SIK3: variants seen among roughly 807,000 people sequenced by gnomAD.
SIK3 encodes the protein SIK family kinase 3.
Under a neutral mutation model 144.2 loss-of-function variants are expected in SIK3, and 28 were observed. That is an observed-to-expected ratio of 0.19 (90% confidence interval 0.14 to 0.27). The LOEUF is 0.27. Among genes scored for constraint, SIK3 ranks in the 10% least tolerant of loss-of-function variants. The pLI is 1.00. For missense variants in SIK3, 1,319 were observed against 1,776.0 expected (o/e 0.74, Z 4.62); for synonymous variants, 686 against 676.3 (o/e 1.01, Z -0.22).
chr11:117,061,689 A>C lies in SIK3; in HGVS notation c.273+36454T>G, dbSNP rs553813870. Among the ~76,000 whole-genome samples, 9 of 152,302 alleles carry C rather than the reference A, an allele frequency of 5.9e-5. 1 individual carries two copies. The highest frequency in any genetic ancestry group is 2.2e-4 in the African/African-American group (9 of 41,564). On this transcript the variant is annotated intron_variant, in intron 1 of 24. Coordinates refer to ENST00000445177, the MANE Select transcript of SIK3 (RefSeq NM_001366686.3). ...GCCACTCCAGCCCTACTGAGTCTTC[A>C]TTTTAATAAGATCCTCAGGTAATTG...
At chr11:116,939,732 T>A (rs1472545747) in intron 3 of SIK3, among the ~76,000 whole-genome samples, 2 of 152,218 alleles carry the variant, frequency 1.3e-5, no homozygotes, top group African/African-American at 4.8e-5. Context: ...CAGGAACATG[T>A]TGAATGACAC....
intron 1 of SIK3, among the ~76,000 whole-genome samples, chr11:116,957,768 T>C (rs497653): frequency 0.033 from 5,074 of 152,248 alleles, 160 homozygotes; most frequent in East Asian, 0.081. Flanking sequence ...GATTAAGTAA[T>C]TTACACCTAG....
At chr11:117,071,261 A>C (rs1466252278) in intron 1 of SIK3, among the ~76,000 whole-genome samples, 1 of 152,054 alleles carries the variant, frequency 6.6e-6, no homozygotes, top group Non-Finnish European at 1.5e-5. Flanking sequence ...AAGATATTTA[A>C]ACAATTAGCC....
chr11:117,052,725 C>T (rs752212842), intron 1 of SIK3, among the ~76,000 whole-genome samples: 5 of 152,222 alleles, frequency 3.3e-5, no homozygotes, highest in Non-Finnish European at 5.9e-5. Flanking sequence ...CTTCCAATGA[C>T]TACATGCTGT....
intron 1 of SIK3, among the ~76,000 whole-genome samples, chr11:116,981,245 T>C (rs557274157): frequency 6.6e-6 from 1 of 152,284 alleles, no homozygotes; most frequent in Non-Finnish European, 1.5e-5. Flanking sequence ...AACTGAAGGA[T>C]CCACTTGCAG....
intron 1 of SIK3, among the ~76,000 whole-genome samples, chr11:116,995,536 T>C (rs1950636504): frequency 1.3e-5 from 2 of 152,010 alleles, no homozygotes; most frequent in South Asian, 4.2e-4. Context: ...AGTGCTGGGA[T>C]TACAGGTATG....
Position 116,849,319 on chromosome 11 carries a change from G to C in SIK3, c.3656-36C>G. The stretch of plus-strand genomic sequence containing the variant: ...ACAGCAGAATAGAGTCAGTGGGGCG[G>C]AACTTCTCCCAGCACTGGAAACTCC... On this transcript the variant is annotated intron_variant, in intron 21 of 24. Coordinates refer to ENST00000445177, the MANE Select transcript of SIK3 (RefSeq NM_001366686.3). The surrounding 1 kb of genome is among the most constrained non-coding windows in gnomAD (Gnocchi z 4.2). 2.5e-6 allele frequency: 4 copies of C among 1,612,186 alleles called. No individual in the cohort carries two copies. The highest frequency in any genetic ancestry group is 3.4e-6 in the Non-Finnish European group (4 of 1,178,900).
intron 1 of SIK3, among the ~76,000 whole-genome samples, chr11:116,975,922 G>A (rs1318070298): frequency 1.3e-5 from 2 of 152,008 alleles, no homozygotes; most frequent in Non-Finnish European, 2.9e-5. Flanking sequence ...GTGGATACGT[G>A]GTATCTCATT....
At chr11:116,854,674 C>T (rs1298018648) in intron 21 of SIK3, among the ~76,000 whole-genome samples, 1 of 152,180 alleles carries the variant, frequency 6.6e-6, no homozygotes, top group East Asian at 1.9e-4. Flanking sequence ...GAAGAGTGAG[C>T]TCCCCCACTT....
chr11:117,023,065 G>A (rs1951841826), intron 1 of SIK3, among the ~76,000 whole-genome samples: 1 of 152,170 alleles, frequency 6.6e-6, no homozygotes, highest in Non-Finnish European at 1.5e-5. Flanking sequence ...AAACACAAAT[G>A]ACAACTAAGA....
intron 14 of SIK3, chr11:116,868,770 A>G (rs1943792904): frequency 6.6e-6 from 1 of 152,476 alleles, no homozygotes; most frequent in Non-Finnish European, 1.5e-5. Flanking sequence ...AAAAAATAAA[A>G]ACAGAAGAGT....
chr11:117,079,577 C>T (rs1954695496), intron 1 of SIK3, among the ~76,000 whole-genome samples: 1 of 151,946 alleles, frequency 6.6e-6, no homozygotes, highest in Non-Finnish European at 1.5e-5. Flanking sequence ...AAATTTACAA[C>T]TCTAATAAAT....
At chr11:116,979,634 G>A (rs1324611931) in intron 1 of SIK3, among the ~76,000 whole-genome samples, 3 of 152,108 alleles carry the variant, frequency 2.0e-5, no homozygotes, top group African/African-American at 4.8e-5. Flanking sequence ...ATCACTTGAG[G>A]TCAGGAGTTC....
At chr11:116,997,141 A>C (rs1247182038) in intron 1 of SIK3, among the ~76,000 whole-genome samples, 1 of 152,186 alleles carries the variant, frequency 6.6e-6, no homozygotes, top group Non-Finnish European at 1.5e-5. Context: ...TTATTAGATT[A>C]CCTCTTTAAG....
Position 116,845,481 on chromosome 11 carries a change from C to A in SIK3, c.*162G>T, listed in dbSNP as rs774718154. Reference sequence around the variant, plus strand: ...CAAACATGGCAAAACCCTCTCAGAACCCAAAAGAACAGCACACGGATGAAC... The same window carrying A: ...CAAACATGGCAAAACCCTCTCAGAAACCAAAAGAACAGCACACGGATGAAC... On this transcript the variant is annotated 3_prime_UTR_variant, in exon 25 of 25. Coordinates refer to ENST00000445177, the MANE Select transcript of SIK3 (RefSeq NM_001366686.3). The A allele has an allele frequency of 6.6e-6, 1 of 152,128 alleles. No individual in the cohort carries two copies. Among genetic ancestry groups the A allele is most frequent in the Non-Finnish European group, 1.5e-5 (1 of 68,014 alleles). The allele number at this position is 152,128 out of a possible 1,614,324, so 9.4% of individuals were successfully genotyped here.
intron 1 of SIK3, among the ~76,000 whole-genome samples, chr11:117,052,319 A>G (rs908476940): frequency 3.9e-5 from 6 of 152,206 alleles, no homozygotes; most frequent in African/African-American, 1.4e-4. Flanking sequence ...TATTAATATC[A>G]TAGCAGTAGG....
At chr11:117,071,634 G>T (rs1407598760) in intron 1 of SIK3, among the ~76,000 whole-genome samples, 4 of 152,040 alleles carry the variant, frequency 2.6e-5, no homozygotes, top group Non-Finnish European at 4.4e-5. Flanking sequence ...GTTTTGTTTT[G>T]TAAGACAGGG....
intron 1 of SIK3, among the ~76,000 whole-genome samples, chr11:117,071,185 T>C (rs956721556): frequency 3.9e-4 from 48 of 123,644 alleles, no homozygotes; most frequent in African/African-American, 1.7e-3. Context: ...GGCTCAGTAT[T>C]GCAAAAAAAA....
chr11:116,846,087 T>C lies in SIK3; in HGVS notation c.*13+296A>G, dbSNP rs1163168667. On this transcript the variant is annotated intron_variant, in intron 24 of 24. Transcript: ENST00000445177. This position sits in a 1 kb window ranked among gnomAD's most constrained non-coding sequence, Gnocchi z 4.1. ...TGCATCCTCTGGAGCCGTAGCTCAC[T>C]TCTGTCGCTATGAAGGCTAGAGCAC... 2.0e-5 allele frequency among the ~76,000 whole-genome samples: 3 copies of C among 152,234 alleles called. No individual in the cohort carries two copies. Among genetic ancestry groups the C allele is most frequent in the Non-Finnish European group, 4.4e-5 (3 of 68,038 alleles).
Sources: allele counts gnomAD v4.1 joint callset (sites outside exome capture counted in the v4.1 genomes callset), GRCh38; gene constraint gnomAD v4.1.1; non-coding constraint Gnocchi (gnomAD v3.1); transcripts MANE v1.5; gene names NCBI Gene and HGNC (gene_info 2026-07-23, HGNC 2026-07-21).